DLG2: variants seen among roughly 807,000 people sequenced by gnomAD.
The protein encoded by DLG2 is discs large MAGUK scaffold protein 2.
Under a neutral mutation model 132.5 loss-of-function variants are expected in DLG2, and 45 were observed. The ratio of observed to expected loss-of-function variants is 0.34; its 90% CI spans 0.27 to 0.44. The LOEUF is 0.44. Among genes scored for constraint, DLG2 ranks in the 20% least tolerant of loss-of-function variants. The probability of loss-of-function intolerance (pLI) is 1.00; values close to 1 mark genes in which losing one functional copy is unlikely to be tolerated. For synonymous variants in DLG2, 424 were observed against 419.6 expected (o/e 1.01, Z -0.13); for missense variants, 1,045 against 1,196.9 (o/e 0.87, Z 1.87).
chr11:83,902,422 G>C (rs1043944442), intron 15 of DLG2, among the ~76,000 whole-genome samples: 20 of 152,150 alleles, frequency 1.3e-4, no homozygotes, highest in Admixed American at 1.2e-3. Flanking sequence ...CAAGAACAAG[G>C]GAGGGAATAT....
chr11:84,866,359 G>A (rs1384931312), intron 6 of DLG2, among the ~76,000 whole-genome samples: 1 of 152,172 alleles, frequency 6.6e-6, no homozygotes, highest in Non-Finnish European at 1.5e-5. Context: ...CAAAGCCAGA[G>A]CCAGATTCTC....
At chr11:85,541,537 A>T (rs2075974499) in intron 3 of DLG2, among the ~76,000 whole-genome samples, 5 of 151,544 alleles carry the variant, frequency 3.3e-5, no homozygotes, top group Admixed American at 2.6e-4. Context: ...CCCTATATGA[A>T]AGTTGGGTCA....
chr11:85,431,552 C>T (rs1366553684), intron 3 of DLG2, among the ~76,000 whole-genome samples: 3 of 152,248 alleles, frequency 2.0e-5, no homozygotes, highest in Non-Finnish European at 4.4e-5. Flanking sequence ...TTACCACTGC[C>T]ACTGCTGCCT....
intron 6 of DLG2, among the ~76,000 whole-genome samples, chr11:84,771,656 A>C (rs1389605810): frequency 6.6e-6 from 1 of 152,236 alleles, no homozygotes; most frequent in Non-Finnish European, 1.5e-5. Context: ...TTATAAACAG[A>C]AATGAGAGAA....
At chr11:85,471,080 T>A (rs2092969593) in intron 3 of DLG2, among the ~76,000 whole-genome samples, 1 of 152,236 alleles carries the variant, frequency 6.6e-6, no homozygotes. Flanking sequence ...GGCAGATGTT[T>A]AAACTATCCT....
In DLG2 at chr11:84,278,653, T is replaced by C. The variant is rs537974613; in HGVS notation, c.520-27362A>G. ...CATCATGACCAAGTAGGCTTTATCC[T>C]GGGAATACGAAATTGGTTTAACATT... is the stretch of plus-strand genomic sequence containing the variant. On this transcript the variant is annotated intron_variant, in intron 7 of 27. Coordinates refer to ENST00000376104, the MANE Select transcript of DLG2 (RefSeq NM_001142699.3). 1.1e-4 allele frequency among the ~76,000 whole-genome samples: 16 copies of C among 152,266 alleles called. No individual in the cohort carries two copies. The South Asian group carries it at 3.3e-3, about 32-fold the overall frequency.
intron 6 of DLG2, among the ~76,000 whole-genome samples, chr11:84,797,916 G>C (rs1326149993): frequency 2.0e-5 from 3 of 152,114 alleles, no homozygotes; most frequent in Non-Finnish European, 4.4e-5. Flanking sequence ...GTGCTTCCTG[G>C]AGACTCACAG....
At chr11:84,538,736 A>G (rs1297120794) in intron 6 of DLG2, among the ~76,000 whole-genome samples, 3 of 152,134 alleles carry the variant, frequency 2.0e-5, no homozygotes, top group African/African-American at 7.2e-5. Flanking sequence ...GGAGACTGGA[A>G]GGCAGATTGG....
intron 7 of DLG2, among the ~76,000 whole-genome samples, chr11:84,339,201 G>A (rs1202195487): frequency 6.6e-6 from 1 of 152,112 alleles, no homozygotes; most frequent in East Asian, 1.9e-4. Context: ...GAGGGTTACG[G>A]GCTGATCATC....
intron 15 of DLG2, among the ~76,000 whole-genome samples, chr11:83,906,764 C>T (rs1206223688): frequency 6.6e-6 from 1 of 152,038 alleles, no homozygotes; most frequent in Non-Finnish European, 1.5e-5. Flanking sequence ...TGGAAACCAA[C>T]GAAGAAAACA....
At chr11:83,690,892 C>T (rs1477356938) in intron 18 of DLG2, among the ~76,000 whole-genome samples, 1 of 152,178 alleles carries the variant, frequency 6.6e-6, no homozygotes, top group Non-Finnish European at 1.5e-5. Context: ...TGAATCACAG[C>T]TACATCCATT....
At chr11:84,115,780 A>G (rs1219347676) in intron 9 of DLG2, among the ~76,000 whole-genome samples, 1 of 151,990 alleles carries the variant, frequency 6.6e-6, no homozygotes, top group Non-Finnish European at 1.5e-5. Flanking sequence ...TTATCACCCT[A>G]TTATTTTCTT....
At chr11:83,782,870 G>C (rs551286071) in intron 18 of DLG2, among the ~76,000 whole-genome samples, 2 of 152,196 alleles carry the variant, frequency 1.3e-5, no homozygotes, top group Admixed American at 6.5e-5. Context: ...GAAAGGGAAG[G>C]GGTACCTGTG....
chr11:85,323,068 A>G (rs966338517), intron 3 of DLG2, among the ~76,000 whole-genome samples: 1 of 152,244 alleles, frequency 6.6e-6, no homozygotes, highest in Non-Finnish European at 1.5e-5. Context: ...AAGGCCCCCA[A>G]TAATCTATGT....
chr11:85,419,003 G>C (rs2090086476), intron 3 of DLG2, among the ~76,000 whole-genome samples: 1 of 152,006 alleles, frequency 6.6e-6, no homozygotes. Flanking sequence ...AGTTGATGCA[G>C]TTTTTCATAG....
intron 7 of DLG2, among the ~76,000 whole-genome samples, chr11:84,534,269 A>G (rs1426574603): frequency 2.6e-5 from 4 of 152,220 alleles, no homozygotes; most frequent in Non-Finnish European, 5.9e-5. Context: ...ACCTTGATGT[A>G]CTTGGGGTTT....
At chr11:84,760,145 G>A (rs543430195) in intron 6 of DLG2, among the ~76,000 whole-genome samples, 2 of 152,042 alleles carry the variant, frequency 1.3e-5, no homozygotes, top group East Asian at 3.8e-4. Flanking sequence ...CTTCCCAAAG[G>A]ATTTAGATCA....
chr11:85,602,505 A>C (rs182442607), intron 2 of DLG2, among the ~76,000 whole-genome samples: 13 of 152,166 alleles, frequency 8.5e-5, no homozygotes, highest in African/African-American at 3.1e-4. Flanking sequence ...TGCACATTTC[A>C]GCATCAGCCT....
At chr11:85,399,443 A>G (rs1293218601) in intron 3 of DLG2, among the ~76,000 whole-genome samples, 3 of 152,186 alleles carry the variant, frequency 2.0e-5, no homozygotes, top group South Asian at 4.1e-4. Context: ...TAAAGTTCAT[A>G]TGGAACCAAA....
Sources: gnomAD v4.1 joint callset for allele counts (sites outside exome capture counted in the v4.1 genomes callset) on GRCh38, gnomAD v4.1.1 for gene constraint, MANE v1.5 for transcripts, NCBI Gene and HGNC (gene_info 2026-07-23, HGNC 2026-07-21) for gene names.